Variants in FBN2 observed in about 807,000 individuals in gnomAD.
FBN2 encodes fibrillin-2.
A neutral mutation model predicts 355.6 loss-of-function variants in FBN2; 105 were observed. That is an observed-to-expected ratio of 0.30 (90% CI 0.25 to 0.35). The LOEUF (loss-of-function observed/expected upper bound fraction) is 0.35. FBN2 is among the 10% of genes least tolerant of loss of function. The probability of loss-of-function intolerance (pLI) is 1.00; values close to 1 mark genes in which losing one functional copy is unlikely to be tolerated. For missense variants in FBN2, 3,280 were observed against 3,758.7 expected (o/e 0.87, Z 3.33); for synonymous variants, 1,350 against 1,301.2 (o/e 1.04, Z -0.81).
intron 45 of FBN2, 82 bp from the exon 46 acceptor site, chr5:128,303,171 T>C (rs948126721): frequency 1.1e-5 from 9 of 817,594 alleles, no homozygotes; most frequent in Admixed American, 3.5e-5. Flanking sequence ...GTTTAACTTA[T>C]GGAATTACTT....
rs558518747 is a variant in FBN2, at chr5:128,414,250, C to T, written c.953-5451G>A. Among the ~76,000 whole-genome samples, 11 of 152,278 alleles carry T rather than the reference C, an allele frequency of 7.2e-5. 1 individual carries two copies. The highest frequency in any genetic ancestry group is 1.9e-4 in the East Asian group (1 of 5,186). ...TGATTTCAGAACATTTTCATCCCCC[C>T]CCAAGGAAATTCCAGCCTATTAGCA... On this transcript the variant is annotated intron_variant, in intron 7 of 64. Transcript: ENST00000262464.
chr5:128,424,853 A>G (rs930160066), intron 7 of FBN2, among the ~76,000 whole-genome samples: 14 of 152,190 alleles, frequency 9.2e-5, no homozygotes, highest in African/African-American at 3.4e-4. Flanking sequence ...TTTTAACATT[A>G]TAACAGTCTG....
intron 10 of FBN2, 77 bp from the exon 11 acceptor site, chr5:128,392,232 T>A: frequency 7.9e-7 from 1 of 1,267,884 alleles, no homozygotes; most frequent in South Asian, 1.2e-5. Context: ...TTAAAGGACA[T>A]TTAATAGTAA....
At chr5:128,290,085 T>G in intron 50 of FBN2, 138 bp from the exon 51 acceptor site, 1 of 678,068 alleles carries the variant, frequency 1.5e-6, no homozygotes, top group Non-Finnish European at 2.7e-6. Context: ...ACTCTTTTAT[T>G]TTTATGATTT....
chr5:128,369,232 G>C lies in FBN2; in HGVS notation c.2198C>G (p.Pro733Arg), dbSNP rs745528502. The C allele has an allele frequency of 1.2e-5, 20 of 1,614,128 alleles. No individual in the cohort carries two copies. In the Admixed American group the frequency reaches 3.3e-4, roughly 27 times the overall value. The change falls in exon 16 of 65, where the codon CCA becomes CGA. Residue 733 changes from proline to arginine, a missense_variant. By Grantham distance (103) the Pro-to-Arg change is moderately radical (BLOSUM62 -2). Transcript: ENST00000262464. ...GCAGGGTTCTCCAAAACCATAGTCTGGATTGGCACAGCAGCATTCGGACTT... is the reference window on the plus strand; with the variant it reads ...GCAGGGTTCTCCAAAACCATAGTCTCGATTGGCACAGCAGCATTCGGACTT... ...VTKSECCCANPDYGFGEPCQP... is the reference protein window; with the variant it reads ...VTKSECCCANRDYGFGEPCQP...
chr5:128,336,360 T>G (rs1270110961), intron 27 of FBN2, among the ~76,000 whole-genome samples: 1 of 152,238 alleles, frequency 6.6e-6, no homozygotes, highest in Non-Finnish European at 1.5e-5. Flanking sequence ...CACAGCTGCA[T>G]GTGCTACTGA....
At chr5:128,337,166 A>C (rs1449491366) in intron 27 of FBN2, among the ~76,000 whole-genome samples, 12 of 152,220 alleles carry the variant, frequency 7.9e-5, no homozygotes, top group Admixed American at 7.9e-4. Flanking sequence ...TGAAATAAGA[A>C]CATAAAAACC....
intron 48 of FBN2, among the ~76,000 whole-genome samples, chr5:128,300,442 C>T (rs1293448218): frequency 6.6e-6 from 1 of 152,214 alleles, no homozygotes; most frequent in African/African-American, 2.4e-5. Context: ...CGAGATTTTT[C>T]TGCTTCACAT....
chr5:128,528,011 A>G, intron 3 of FBN2, 44 bp from the exon 4 acceptor site: 1 of 1,243,896 alleles, frequency 8.0e-7, no homozygotes, highest in Non-Finnish European at 1.2e-6. Flanking sequence ...TCAGTCATCA[A>G]AATTATAGTA....
At chr5:128,415,515 G>A (rs1455413521) in intron 7 of FBN2, among the ~76,000 whole-genome samples, 6 of 152,000 alleles carry the variant, frequency 3.9e-5, no homozygotes, top group Non-Finnish European at 7.4e-5. Context: ...TTCCACCCAC[G>A]TTGCTGCAAT....
At chr5:128,510,633 T>C (rs1435105908) in intron 5 of FBN2, among the ~76,000 whole-genome samples, 2 of 152,230 alleles carry the variant, frequency 1.3e-5, no homozygotes, top group African/African-American at 4.8e-5. Flanking sequence ...TTGAATATTT[T>C]AGATTATATA....
chr5:128,301,861 C>G (rs972239304), intron 46 of FBN2, among the ~76,000 whole-genome samples: 9 of 152,078 alleles, frequency 5.9e-5, no homozygotes, highest in African/African-American at 2.2e-4. Context: ...GGGATTTAAT[C>G]TGATTGCCTA....
At chr5:128,271,602 T>C (rs1765268762) in intron 62 of FBN2, among the ~76,000 whole-genome samples, 2 of 152,194 alleles carry the variant, frequency 1.3e-5, no homozygotes, top group African/African-American at 4.8e-5. Context: ...CTGTCCTCAT[T>C]AAGTTGATGT....
chr5:128,503,653 A>C (rs1020679357), intron 5 of FBN2, among the ~76,000 whole-genome samples: 2 of 152,150 alleles, frequency 1.3e-5, no homozygotes, highest in African/African-American at 4.8e-5. Context: ...ATGATTTAGG[A>C]TATCTGGTGG....
In FBN2 at chr5:128,318,188, G is replaced by A. The variant is rs768612904; in HGVS notation, c.4678C>T (p.Pro1560Ser). 8 of 1,614,090 alleles carry A rather than the reference G, an allele frequency of 5.0e-6. No homozygotes were observed. Among genetic ancestry groups the A allele is most frequent in the Non-Finnish European group, 6.8e-6 (8 of 1,179,986 alleles). ...TPGRYECNCP[P>S]DFQLNPTGVG... ...CCAGTTGGGTTCAACTGAAAATCGG[G>A]TGGGCAGTTACACTCATAGCGACCA... is the stretch of plus-strand genomic sequence containing the variant. The change falls in exon 36 of 65, where the codon CCC becomes TCC. Residue 1560 changes from proline to serine, a missense_variant. By Grantham distance (74) the Pro-to-Ser change is moderately conservative (BLOSUM62 -1). Coordinates refer to ENST00000262464, the MANE Select transcript of FBN2 (RefSeq NM_001999.4).
chr5:128,285,495 A>C (rs1209801733), intron 55 of FBN2, among the ~76,000 whole-genome samples: 1 of 152,162 alleles, frequency 6.6e-6, no homozygotes, highest in Non-Finnish European at 1.5e-5. Context: ...TTAACAACGA[A>C]AAGAATACAA....
intron 50 of FBN2, 85 bp from the exon 51 acceptor site, chr5:128,290,032 T>C (rs1749278211): frequency 3.9e-6 from 3 of 769,556 alleles, no homozygotes; most frequent in Non-Finnish European, 7.0e-6. Context: ...ATACATGAAA[T>C]TACACTTAAT....
intron 7 of FBN2, among the ~76,000 whole-genome samples, chr5:128,428,826 G>T (rs565447419): frequency 9.7e-4 from 148 of 152,310 alleles, no homozygotes; most frequent in African/African-American, 3.4e-3. Flanking sequence ...TCTGGTATCA[G>T]TGTCATCTGG....
chr5:128,466,977 T>C (rs1008068660), intron 5 of FBN2, among the ~76,000 whole-genome samples: 4 of 152,062 alleles, frequency 2.6e-5, no homozygotes, highest in East Asian at 1.9e-4. Flanking sequence ...GAAAAGTCTG[T>C]TTTTTTGCAA....
Sources: allele counts gnomAD v4.1 joint callset (sites outside exome capture counted in the v4.1 genomes callset), GRCh38; gene constraint gnomAD v4.1.1; transcripts MANE v1.5; gene names NCBI Gene and HGNC (gene_info 2026-07-23, HGNC 2026-07-21).